SYTL5: variants seen among roughly 807,000 people sequenced by gnomAD.
SYTL5 encodes synaptotagmin like 5.
A neutral mutation model predicts 55.9 loss-of-function variants in SYTL5; 34 were observed. The observed-to-expected ratio is 0.61, with a 90% confidence interval of 0.46 to 0.81. The LOEUF (loss-of-function observed/expected upper bound fraction) is 0.81. SYTL5 is among the 30% of genes least tolerant of loss of function. The pLI, the probability that SYTL5 is intolerant of heterozygous loss-of-function variation, is 0.00. For missense variants in SYTL5, 637 were observed against 546.7 expected (o/e 1.17, Z -1.65); for synonymous variants, 221 against 188.7 (o/e 1.17, Z -1.40).
the SYTL5 span, among the ~76,000 whole-genome samples, chrX:37,933,674 A>C: frequency 8.9e-6 from 1 of 112,186 alleles, no homozygotes; most frequent in East Asian, 2.8e-4. Context: ...TAGGCTAAAC[A>C]AAAAACTTAA....
chrX:37,910,529 G>A, the SYTL5 span, among the ~76,000 whole-genome samples: 21 of 112,047 alleles, frequency 1.9e-4, no homozygotes, highest in Non-Finnish European at 3.4e-4. Flanking sequence ...TTTAATGTGC[G>A]CACCAGTCAC....
the SYTL5 span, among the ~76,000 whole-genome samples, chrX:37,931,769 A>C: frequency 6.2e-5 from 7 of 112,056 alleles, no homozygotes; most frequent in Non-Finnish European, 1.1e-4. Flanking sequence ...AAATTTATGA[A>C]TGTAATTCAA....
chrX:38,073,452 G>A (rs1936315424), intron 4 of SYTL5, 138 bp from the exon 5 acceptor site: 3 of 450,922 alleles, frequency 6.7e-6, no homozygotes. Flanking sequence ...AGAAAAACTT[G>A]GGATGGGAAT....
At chrX:37,897,820 G>A in the SYTL5 span, among the ~76,000 whole-genome samples, 6 of 111,943 alleles carry the variant, frequency 5.4e-5, no homozygotes, top group African/African-American at 1.6e-4. Flanking sequence ...TCTGGAGGCC[G>A]GGCACGGTGG....
chrX:37,893,629 A>C, the SYTL5 span, among the ~76,000 whole-genome samples: 1 of 68,794 alleles, frequency 1.5e-5, no homozygotes, highest in Non-Finnish European at 2.2e-5. Flanking sequence ...TATATAATCT[A>C]TATATATAAT....
chrX:37,951,465 T>A, the SYTL5 span, among the ~76,000 whole-genome samples: 1 of 111,580 alleles, frequency 9.0e-6, no homozygotes, highest in Non-Finnish European at 1.9e-5. Context: ...TGTCAGGTTC[T>A]GCCCTAGGGT....
the SYTL5 span, among the ~76,000 whole-genome samples, chrX:37,897,739 C>T: frequency 9.0e-6 from 1 of 111,308 alleles, no homozygotes; most frequent in African/African-American, 3.3e-5. Context: ...AACTGGGTAG[C>T]TTATAAACAA....
chrX:37,909,150 A>G, the SYTL5 span, among the ~76,000 whole-genome samples: 1 of 111,299 alleles, frequency 9.0e-6, no homozygotes, highest in Non-Finnish European at 1.9e-5. Flanking sequence ...CCTAGCACAC[A>G]CACACACACT....
At chrX:37,985,191 A>G in the SYTL5 span, among the ~76,000 whole-genome samples, 3 of 111,887 alleles carry the variant, frequency 2.7e-5, no homozygotes, top group Admixed American at 9.5e-5. Flanking sequence ...AATTAACTCT[A>G]TTCATGAATA....
chrX:38,083,178 C>G (rs775577078), intron 6 of SYTL5, among the ~76,000 whole-genome samples: 1 of 111,369 alleles, frequency 9.0e-6, no homozygotes, highest in East Asian at 2.8e-4. Context: ...CTCCTCAAAA[C>G]GGCTTCTGGT....
At chrX:37,907,290 G>C in the SYTL5 span, among the ~76,000 whole-genome samples, 2 of 111,895 alleles carry the variant, frequency 1.8e-5, no homozygotes, top group Non-Finnish European at 3.8e-5. Flanking sequence ...AATGGATGGG[G>C]TATCTTTTCT....
chrX:38,099,939 G>A lies in SYTL5; in HGVS notation c.1063-2403G>A, dbSNP rs1220511321. Among the ~76,000 whole-genome samples the A allele has an allele frequency of 3.6e-5, 4 of 111,139 alleles. No homozygotes were observed. In the East Asian group the frequency reaches 1.1e-3, roughly 31 times the overall value. ...GATAAATCCCACTTAGGTTGAATGA[G>A]CTTCTTCATGTGCTGTTGAATTCAG... On this transcript the variant is annotated intron_variant, in intron 9 of 16. Transcript: ENST00000297875.
At chrX:38,037,359 C>T (rs770470409) in intron 2 of SYTL5, among the ~76,000 whole-genome samples, 1 of 111,864 alleles carries the variant, frequency 8.9e-6, no homozygotes, top group Admixed American at 9.5e-5. Context: ...CTACATAAGT[C>T]GCTTGCACAC....
chrX:38,024,998 T>C (rs145190358), intron 1 of SYTL5, among the ~76,000 whole-genome samples: 5 of 112,051 alleles, frequency 4.5e-5, no homozygotes, highest in African/African-American at 1.6e-4. Context: ...GTTGTAAAAG[T>C]ACTACTTTTT....
intron 9 of SYTL5, among the ~76,000 whole-genome samples, chrX:38,097,008 G>A (rs1368562000): frequency 9.0e-6 from 1 of 111,093 alleles, no homozygotes; most frequent in Non-Finnish European, 1.9e-5. Flanking sequence ...TAAACTATTC[G>A]TGATCTTAGA....
the SYTL5 span, among the ~76,000 whole-genome samples, chrX:37,900,602 G>C: frequency 3.6e-5 from 4 of 111,673 alleles, no homozygotes; most frequent in Admixed American, 3.8e-4. Flanking sequence ...ATATATAGAA[G>C]ATGAATAATT....
In SYTL5 at chrX:38,054,318, T is replaced by A. The variant is rs868016391; in HGVS notation, c.225T>A (p.Phe75Leu). The change falls in exon 3 of 17, where the codon TTT (phenylalanine) becomes TTA (leucine). Residue 75 changes from phenylalanine to leucine, a missense_variant. Physicochemically the swap from Phe to Leu is conservative, Grantham distance 22. Transcript: ENST00000297875. ...VHCHRNLGLIFDRGDPCQACS... is the reference protein window; with the variant it reads ...VHCHRNLGLILDRGDPCQACS... Reference sequence around the variant, plus strand: ...GTCACAGAAACCTGGGCCTAATCTTTGACCGGGGAGACCCTTGTCAGGCTT... The same window carrying A: ...GTCACAGAAACCTGGGCCTAATCTTAGACCGGGGAGACCCTTGTCAGGCTT... 4 of 1,211,409 alleles carry A rather than the reference T, an allele frequency of 3.3e-6. No homozygotes were observed. The East Asian group carries it at 8.9e-5, about 27-fold the overall frequency.
rs752637416 is a variant in SYTL5, at chrX:38,072,060, A to G, written c.343A>G (p.Ile115Val). ...TCCCTTGAGTAGGCAGCTAAGGATT[A>G]TAACTGGTGAGTGGTTTTTTGAAGA... ...VCDKIAQLRI[I>V]TGEWFFEEKA... Residue 115 changes from isoleucine to valine, a missense_variant, in exon 4 of 17, where the codon ATA (isoleucine) becomes GTA (valine). Coordinates refer to ENST00000297875, the MANE Select transcript of SYTL5 (RefSeq NM_138780.3). The G allele has an allele frequency of 7.5e-6, 9 of 1,205,128 alleles. No individual in the cohort carries two copies. Among genetic ancestry groups the G allele is most frequent in the Non-Finnish European group, 1.0e-5 (9 of 890,934 alleles).
chrX:38,087,638 A>G (rs1936689611), intron 6 of SYTL5, among the ~76,000 whole-genome samples: 1 of 112,095 alleles, frequency 8.9e-6, no homozygotes, highest in South Asian at 3.7e-4. Context: ...CTCTTTAGTA[A>G]CATAGAAAAT....
Sources: allele counts gnomAD v4.1 joint callset (sites outside exome capture counted in the v4.1 genomes callset), GRCh38; gene constraint gnomAD v4.1.1; transcripts MANE v1.5; gene names NCBI Gene and HGNC (gene_info 2026-07-23, HGNC 2026-07-21).